The following WDPCP variants were observed in gnomAD, a reference collection of about 807,000 sequenced individuals.
WDPCP encodes the protein WD repeat containing planar cell polarity effector.
Under a neutral mutation model 93.1 loss-of-function variants are expected in WDPCP, and 71 were observed. The ratio of observed to expected loss-of-function variants is 0.76; its 90% CI spans 0.63 to 0.93. The LOEUF (loss-of-function observed/expected upper bound fraction) is 0.93. Among genes scored for constraint, WDPCP ranks in the 40% least tolerant of loss-of-function variants. The pLI is 0.00. For synonymous variants in WDPCP, 315 were observed against 315.0 expected (o/e 1.00, Z 0.00); for missense variants, 844 against 887.4 (o/e 0.95, Z 0.62).
At chr2:63,124,896 T>C (rs1464237578) in intron 17 of WDPCP, among the ~76,000 whole-genome samples, 2 of 152,146 alleles carry the variant, frequency 1.3e-5, no homozygotes, top group Non-Finnish European at 1.5e-5. Flanking sequence ...TATAGTTTTT[T>C]AATGTACTAA....
intron 17 of WDPCP, among the ~76,000 whole-genome samples, chr2:63,123,369 T>C (rs1669677823): frequency 6.6e-6 from 1 of 152,176 alleles, no homozygotes; most frequent in Non-Finnish European, 1.5e-5. Context: ...AGAAGGCTGA[T>C]GGCATACCTA....
At chr2:63,575,488 T>G (rs13411229) in intron 1 of WDPCP, among the ~76,000 whole-genome samples, 1 of 13,128 alleles carries the variant, frequency 7.6e-5, no homozygotes, top group East Asian at 6.8e-3. Flanking sequence ...AGTGTATATA[T>G]AGTATATACA....
intron 2 of WDPCP, among the ~76,000 whole-genome samples, chr2:63,769,616 T>C (rs1049492508): frequency 6.6e-6 from 1 of 151,942 alleles, no homozygotes; most frequent in African/African-American, 2.4e-5. Flanking sequence ...ATTAGACCTC[T>C]ATATACAGAA....
intron 3 of WDPCP, among the ~76,000 whole-genome samples, chr2:63,639,046 A>C (rs1575736181): frequency 6.6e-6 from 1 of 152,352 alleles, no homozygotes; most frequent in South Asian, 2.1e-4. Context: ...TTCTTAAAAA[A>C]CACAATTCAT....
intron 14 of WDPCP, among the ~76,000 whole-genome samples, chr2:63,213,082 A>C (rs1433681722): frequency 6.6e-6 from 1 of 152,140 alleles, no homozygotes; most frequent in South Asian, 2.1e-4. Flanking sequence ...AAAGTTAACA[A>C]AATTATCCAG....
At chr2:63,641,583 A>G (rs1009871390) in intron 3 of WDPCP, among the ~76,000 whole-genome samples, 8 of 152,016 alleles carry the variant, frequency 5.3e-5, no homozygotes, top group African/African-American at 1.7e-4. Flanking sequence ...TGTTGTTTGC[A>G]TGTCTTCTTT....
intron 12 of WDPCP, among the ~76,000 whole-genome samples, chr2:63,338,608 ATATATATATG>A (rs1688624256): frequency 3.0e-5 from 4 of 133,152 alleles, no homozygotes; most frequent in African/African-American, 5.5e-5. Context: ...ATATATATAT[ATATATATATG>A]GATAATTAGA....
At chr2:63,261,976 G>GTT (rs1363545914) in intron 13 of WDPCP, among the ~76,000 whole-genome samples, 1 of 152,124 alleles carries the variant, frequency 6.6e-6, no homozygotes, top group East Asian at 1.9e-4. Flanking sequence ...TAATCATGTG[G>GTT]TTTTTAATTT....
intron 13 of WDPCP, among the ~76,000 whole-genome samples, chr2:63,277,203 G>A (rs889737302): frequency 2.4e-5 from 3 of 124,074 alleles, no homozygotes; most frequent in Non-Finnish European, 4.9e-5. Context: ...TACCATGCCA[G>A]CATGCCAAGA....
chr2:63,559,274 T>C (rs1164671440), intron 1 of WDPCP, among the ~76,000 whole-genome samples: 2 of 152,284 alleles, frequency 1.3e-5, no homozygotes, highest in Admixed American at 6.5e-5. Context: ...ATGGAATCTA[T>C]CTCAAAATAA....
At chr2:63,164,542 T>C (rs1007114684) in intron 15 of WDPCP, among the ~76,000 whole-genome samples, 8 of 152,170 alleles carry the variant, frequency 5.3e-5, no homozygotes, top group Non-Finnish European at 1.2e-4. Flanking sequence ...CCTTCTGCCA[T>C]GACTATAAGT....
intron 15 of WDPCP, 137 bp from the exon 16 acceptor site, chr2:63,153,711 G>T: frequency 1.8e-6 from 1 of 544,074 alleles, no homozygotes; most frequent in Non-Finnish European, 3.1e-6. Flanking sequence ...AAATTTCTTT[G>T]GAAACTTTCA....
intron 2 of WDPCP, among the ~76,000 whole-genome samples, chr2:63,741,226 A>G (rs57844293): frequency 6.6e-6 from 1 of 152,052 alleles, no homozygotes; most frequent in African/African-American, 2.4e-5. Flanking sequence ...AAATACTGAG[A>G]CAAAGCACTT....
At chr2:63,139,431 T>G (rs745657141) in intron 17 of WDPCP, among the ~76,000 whole-genome samples, 1 of 152,202 alleles carries the variant, frequency 6.6e-6, no homozygotes, top group African/African-American at 2.4e-5. Context: ...TGAGTTTACA[T>G]TCCCACCAGC....
At chr2:63,169,808 T>C (rs1673246832) in intron 15 of WDPCP, among the ~76,000 whole-genome samples, 1 of 152,176 alleles carries the variant, frequency 6.6e-6, no homozygotes, top group East Asian at 1.9e-4. Flanking sequence ...AGTTTTATTA[T>C]GAGTTTATTC....
At chr2:63,221,919 T>C (rs1052145738) in intron 14 of WDPCP, among the ~76,000 whole-genome samples, 1 of 152,182 alleles carries the variant, frequency 6.6e-6, no homozygotes, top group Non-Finnish European at 1.5e-5. Flanking sequence ...TGAAATAACC[T>C]GCAAATCCTA....
intron 1 of WDPCP, among the ~76,000 whole-genome samples, chr2:63,523,357 A>C (rs1295820550): frequency 6.6e-6 from 1 of 152,334 alleles, no homozygotes; most frequent in South Asian, 2.1e-4. Flanking sequence ...ATCATACTGA[A>C]TGGGCAAAAG....
intron 17 of WDPCP, among the ~76,000 whole-genome samples, chr2:63,143,031 C>G (rs1671211435): frequency 6.6e-6 from 1 of 151,976 alleles, no homozygotes; most frequent in South Asian, 2.1e-4. Context: ...GCTCACTACA[C>G]TTTCTGCCTC....
the WDPCP span, among the ~76,000 whole-genome samples, chr2:63,836,528 T>C: frequency 6.6e-6 from 1 of 152,300 alleles, no homozygotes. Context: ...TAAAAGATGG[T>C]TTCTTATTAG....
Sources: allele counts gnomAD v4.1 joint callset (sites outside exome capture counted in the v4.1 genomes callset), GRCh38; gene constraint gnomAD v4.1.1; transcripts MANE v1.5; gene names NCBI Gene and HGNC (gene_info 2026-07-23, HGNC 2026-07-21).